UPP2: variants seen among roughly 807,000 people sequenced by gnomAD.
UPP2 encodes the protein uridine phosphorylase 2.
In UPP2, 23 loss-of-function variants were observed where a neutral mutation model predicts 26.7. That is an observed-to-expected ratio of 0.86 (90% CI 0.62 to 1.22). The LOEUF (loss-of-function observed/expected upper bound fraction) is 1.22. UPP2 is among the 50% of genes most tolerant of loss of function. The pLI is 0.00. For synonymous variants in UPP2, 127 were observed against 141.3 expected, an observed-to-expected ratio of 0.90 and a Z score of 0.72; for missense variants, 387 against 396.7, an observed-to-expected ratio of 0.98 and a Z score of 0.21.
At chr2:158,087,869 G>T (rs1682841802) in intron 3 of UPP2, among the ~76,000 whole-genome samples, 1 of 152,152 alleles carries the variant, frequency 6.6e-6, no homozygotes, top group South Asian at 2.1e-4. Flanking sequence ...TAATCTGATA[G>T]AGTTTCCTTT....
At chr2:158,026,177 T>C (rs973337174) in intron 3 of UPP2, among the ~76,000 whole-genome samples, 7 of 151,826 alleles carry the variant, frequency 4.6e-5, no homozygotes, top group Admixed American at 2.0e-4. Flanking sequence ...ATTTGGAGAG[T>C]GTGGGAGAGG....
rs183260809 is a variant in UPP2 at position 158,006,223 on chromosome 2, G to C, written c.62-9578G>C. On this transcript the variant is annotated intron_variant, in intron 2 of 9. Coordinates refer to the UPP2 transcript ENST00000605860. ...GCCTGTAATCCCAGCACTTTGGGAG[G>C]ACGAGGCGGGCAGATCACGAGGTCA... Among the ~76,000 whole-genome samples the C allele has an allele frequency of 3.2e-3, 486 of 152,336 alleles. 2 individuals are homozygous for C. The highest frequency in any genetic ancestry group is 0.011 in the African/African-American group (452 of 41,588).
chr2:158,090,736 T>C (rs985170120), intron 3 of UPP2, among the ~76,000 whole-genome samples: 1 of 152,198 alleles, frequency 6.6e-6, no homozygotes, highest in Non-Finnish European at 1.5e-5. Context: ...AAGGCTAGCA[T>C]GGGTTAGCTT....
At chr2:158,105,184 T>C (rs1041703243) in intron 1 of UPP2, among the ~76,000 whole-genome samples, 5 of 152,134 alleles carry the variant, frequency 3.3e-5, no homozygotes, top group South Asian at 2.1e-4. Flanking sequence ...ATGATTACTA[T>C]CCAAATAACC....
intron 2 of UPP2, among the ~76,000 whole-genome samples, chr2:158,012,392 C>T (rs1683595657): frequency 6.6e-6 from 1 of 150,938 alleles, no homozygotes; most frequent in Non-Finnish European, 1.5e-5. Flanking sequence ...CTCAGCTTCC[C>T]GAGTAGCTGC....
chr2:158,013,729 C>G lies in UPP2; in HGVS notation c.62-2072C>G, dbSNP rs1267810832. ...CCTGAGAAGGAGAAGGGCGAGGCAC[C>G]TTTACATATCTGGACAAAAACACCT... On this transcript the variant is annotated intron_variant, in intron 2 of 9. Transcript: ENST00000605860. Among the ~76,000 whole-genome samples the G allele has an allele frequency of 2.0e-5, 3 of 152,164 alleles. No individual in the cohort carries two copies. The East Asian group carries it at 5.8e-4, about 29-fold the overall frequency.
intron 3 of UPP2, among the ~76,000 whole-genome samples, chr2:158,081,230 T>C (rs1403744387): frequency 1.3e-5 from 2 of 152,196 alleles, no homozygotes; most frequent in Non-Finnish European, 2.9e-5. Context: ...TTAACAAAGA[T>C]AGAGGATATT....
chr2:158,010,146 G>C (rs1683553021), intron 2 of UPP2, among the ~76,000 whole-genome samples: 2 of 152,130 alleles, frequency 1.3e-5, no homozygotes, highest in African/African-American at 4.8e-5. Context: ...TTATGTTATG[G>C]CTTTTCATCG....
At chr2:158,044,691 G>A (rs1684126616) in intron 3 of UPP2, among the ~76,000 whole-genome samples, 1 of 152,062 alleles carries the variant, frequency 6.6e-6, no homozygotes, top group South Asian at 2.1e-4. Context: ...ATGCACTTAA[G>A]TTAAATCAAG....
rs202247564 is a variant in UPP2 at position 158,117,862 on chromosome 2, T to G, written c.378T>G (p.His126Gln). Residue 126 changes from histidine (H) to glutamine (Q), a missense_variant, in exon 4 of 7, where the codon CAT becomes CAG. By Grantham distance (24) the His-to-Gln change is conservative. Transcript: ENST00000005756. ...TCCCCTCCATTTCTATTATGCTTCA[T>G]GAACTCATCAAATTACTCCACCATG... is the stretch of plus-strand genomic sequence containing the variant. Reference protein sequence around the residue: ...MGIPSISIMLHELIKLLHHAR... With the variant: ...MGIPSISIMLQELIKLLHHAR... The G allele has an allele frequency of 1.2e-6, 2 of 1,613,206 alleles. No homozygotes were observed. Among genetic ancestry groups the G allele is most frequent in the African/African-American group, 1.3e-5 (1 of 75,026 alleles).
At chr2:158,046,099 A>T (rs940164773) in intron 3 of UPP2, among the ~76,000 whole-genome samples, 34 of 152,356 alleles carry the variant, frequency 2.2e-4, no homozygotes, top group Middle Eastern at 3.4e-3. Flanking sequence ...TGTCAAAATT[A>T]TTGCTTCAAA....
chr2:157,999,651 T>C (rs185683723), intron 2 of UPP2, among the ~76,000 whole-genome samples: 69 of 152,342 alleles, frequency 4.5e-4, no homozygotes, highest in Admixed American at 1.4e-3. Context: ...TATATGACAG[T>C]AGTTCCATAA....
At chr2:158,041,475 T>G (rs1456158922) in intron 3 of UPP2, among the ~76,000 whole-genome samples, 2 of 78,744 alleles carry the variant, frequency 2.5e-5, no homozygotes, top group Non-Finnish European at 4.9e-5. Flanking sequence ...GAGTCTCTTT[T>G]AATTCTCTGA....
intron 2 of UPP2, among the ~76,000 whole-genome samples, chr2:158,000,145 CCT>C (rs1158727797): frequency 6.6e-6 from 1 of 151,714 alleles, no homozygotes; most frequent in Non-Finnish European, 1.5e-5. Flanking sequence ...CTCACTGCAA[CCT>C]CTGTCTCCTG....
At chr2:158,081,274 AG>A in intron 3 of UPP2, among the ~76,000 whole-genome samples, 1 of 152,344 alleles carries the variant, frequency 6.6e-6, no homozygotes, top group South Asian at 2.1e-4. Flanking sequence ...GTCACTTTAA[AG>A]AAAAGCTTGT....
At chr2:158,123,434 C>T (rs1457920546) in intron 5 of UPP2, among the ~76,000 whole-genome samples, 2 of 152,170 alleles carry the variant, frequency 1.3e-5, no homozygotes, top group Non-Finnish European at 2.9e-5. Context: ...AAGGGCAGCT[C>T]TCACAGCAAC....
chr2:158,052,290 G>A (rs1453919708), intron 3 of UPP2, among the ~76,000 whole-genome samples: 1 of 152,174 alleles, frequency 6.6e-6, no homozygotes, highest in Non-Finnish European at 1.5e-5. Context: ...AGTGAGGAAT[G>A]TTCCTAAGGA....
chr2:158,092,888 T>C (rs966800750), intron 3 of UPP2, among the ~76,000 whole-genome samples: 1 of 152,116 alleles, frequency 6.6e-6, no homozygotes, highest in Non-Finnish European at 1.5e-5. Flanking sequence ...ATAAAATATA[T>C]AACTTCCAAA....
At chr2:158,131,686 G>C (rs1018188711) in intron 6 of UPP2, among the ~76,000 whole-genome samples, 6 of 152,068 alleles carry the variant, frequency 3.9e-5, no homozygotes, top group African/African-American at 1.4e-4. Flanking sequence ...GTGGCAGCTG[G>C]GTCACTAAGT....
Sources: allele counts gnomAD v4.1 joint callset (sites outside exome capture counted in the v4.1 genomes callset), GRCh38; gene constraint gnomAD v4.1.1; transcripts MANE v1.5; gene names NCBI Gene and HGNC (gene_info 2026-07-23, HGNC 2026-07-21).